The following COX7B2 variants were observed in gnomAD, a reference collection of about 807,000 sequenced individuals.
COX7B2 encodes cytochrome c oxidase subunit 7B2, mitochondrial.
For synonymous variants in COX7B2, 37 were observed against 32.1 expected, an observed-to-expected ratio of 1.15 and a Z score of -0.51; for missense variants, 109 against 95.9, an observed-to-expected ratio of 1.14 and a Z score of -0.57.
chr4:46,741,613 A>C (rs925857572), intron 2 of COX7B2, among the ~76,000 whole-genome samples: 1 of 152,054 alleles, frequency 6.6e-6, no homozygotes, highest in Admixed American at 6.6e-5. Flanking sequence ...GGATGCAAAA[A>C]TGTTGCCCAT....
intron 2 of COX7B2, among the ~76,000 whole-genome samples, chr4:46,782,530 TA>T (rs199799069): frequency 0.01 from 1,572 of 151,684 alleles, 23 homozygotes; most frequent in African/African-American, 0.036. Context: ...GGGGGTCCCA[TA>T]AGAGAATAAA....
At chr4:46,828,871 A>G (rs951456846) in intron 2 of COX7B2, among the ~76,000 whole-genome samples, 3 of 152,170 alleles carry the variant, frequency 2.0e-5, no homozygotes, top group Non-Finnish European at 2.9e-5. Flanking sequence ...GCAGAAAAAT[A>G]TAAGAGAGCC....
intron 2 of COX7B2, among the ~76,000 whole-genome samples, chr4:46,820,231 G>C (rs984397818): frequency 7.2e-5 from 11 of 152,096 alleles, no homozygotes; most frequent in Admixed American, 2.6e-4. Flanking sequence ...ATCGGAAACA[G>C]TGACCTATTA....
At chr4:46,839,846 G>A (rs1157038854) in intron 2 of COX7B2, among the ~76,000 whole-genome samples, 2 of 151,968 alleles carry the variant, frequency 1.3e-5, no homozygotes, top group East Asian at 3.9e-4. Context: ...ACATGGTAAT[G>A]GTGGGTCTTA....
chr4:46,902,769 C>T lies in COX7B2; in HGVS notation c.-105+6391G>A, dbSNP rs539886660. Among the ~76,000 whole-genome samples the T allele has an allele frequency of 4.3e-3, 651 of 152,174 alleles. 13 individuals carry two copies. Among genetic ancestry groups the T allele is most frequent in the Non-Finnish European group, 9.3e-4 (63 of 68,002 alleles). On this transcript the variant is annotated intron_variant, in intron 1 of 2. Transcript: ENST00000355591. ...GCACACACCTGTAATCCCAGCTACT[C>T]GGGAGGCTGAGGCACAAGAATCACT...
chr4:46,771,333 G>A (rs1271895337), intron 2 of COX7B2, among the ~76,000 whole-genome samples: 4 of 152,136 alleles, frequency 2.6e-5, no homozygotes, highest in Admixed American at 1.3e-4. Context: ...TGAGAGTGTG[G>A]AGAGAAGGGG....
At chr4:46,877,034 G>A (rs1175696349) in intron 1 of COX7B2, among the ~76,000 whole-genome samples, 1 of 151,888 alleles carries the variant, frequency 6.6e-6, no homozygotes, top group East Asian at 1.9e-4. Context: ...ACCATTAGCA[G>A]TAAGAATCGA....
At chr4:46,907,847 A>ATTTTTTTTTTTTTTTTT (rs1308450950) in intron 1 of COX7B2, among the ~76,000 whole-genome samples, 18 of 67,222 alleles carry the variant, frequency 2.7e-4, no homozygotes, top group Non-Finnish European at 4.8e-4. Flanking sequence ...ATTTGAGCAG[A>ATTTTTTTTTTTTTTTTT]CTTTTTTTTT....
At chr4:46,823,806 A>C (rs1714482377) in intron 2 of COX7B2, among the ~76,000 whole-genome samples, 1 of 151,864 alleles carries the variant, frequency 6.6e-6, no homozygotes, top group South Asian at 2.1e-4. Context: ...AAAATCAAAG[A>C]AGCAAACAAA....
chr4:46,802,743 TA>T (rs1718725128), intron 2 of COX7B2, among the ~76,000 whole-genome samples: 3 of 152,182 alleles, frequency 2.0e-5, no homozygotes, highest in Non-Finnish European at 4.4e-5. Context: ...ATGCATTGGT[TA>T]TTTTGTAAGA....
At chr4:46,768,836 C>G (rs2109506947) in intron 2 of COX7B2, among the ~76,000 whole-genome samples, 1 of 152,080 alleles carries the variant, frequency 6.6e-6, no homozygotes, top group East Asian at 1.9e-4. Flanking sequence ...TAGCTATACC[C>G]ACTAAAAAGA....
intron 2 of COX7B2, among the ~76,000 whole-genome samples, chr4:46,799,292 T>C (rs145908828): frequency 1.3e-3 from 196 of 152,256 alleles, no homozygotes; most frequent in African/African-American, 4.5e-3. Context: ...AATGATAAAA[T>C]CATATCATCT....
intron 2 of COX7B2, among the ~76,000 whole-genome samples, chr4:46,799,976 C>A (rs1225010142): frequency 6.6e-6 from 1 of 152,038 alleles, no homozygotes; most frequent in Non-Finnish European, 1.5e-5. Flanking sequence ...CTGTCAGGTT[C>A]AGGGCTTTTT....
intron 2 of COX7B2, among the ~76,000 whole-genome samples, chr4:46,837,933 A>G (rs1560412384): frequency 1.3e-5 from 2 of 152,022 alleles, no homozygotes; most frequent in African/African-American, 4.8e-5. Flanking sequence ...TCTAAAAACT[A>G]AGGTCGAAAT....
intron 2 of COX7B2, among the ~76,000 whole-genome samples, chr4:46,771,548 A>T (rs1162245324): frequency 2.0e-5 from 3 of 148,420 alleles, no homozygotes; most frequent in Admixed American, 6.7e-5. Flanking sequence ...CAGATTTCAG[A>T]TTTTTTTTTT....
intron 1 of COX7B2, among the ~76,000 whole-genome samples, chr4:46,855,751 G>A (rs762171954): frequency 3.9e-5 from 6 of 151,982 alleles, no homozygotes; most frequent in Admixed American, 6.6e-5. Context: ...GTAGCATGTG[G>A]GTTTCAGATC....
At chr4:46,860,738 T>G (rs1232732645) in intron 1 of COX7B2, among the ~76,000 whole-genome samples, 2 of 152,210 alleles carry the variant, frequency 1.3e-5, no homozygotes, top group African/African-American at 2.4e-5. Flanking sequence ...TTTTCCTCCC[T>G]GCAATGTACG....
At chr4:46,907,848 C>CTTTTTTTTTTTTT (rs35024713) in intron 1 of COX7B2, among the ~76,000 whole-genome samples, 6 of 59,730 alleles carry the variant, frequency 1.0e-4, no homozygotes, top group Admixed American at 2.4e-4. Context: ...TTTGAGCAGA[C>CTTTTTTTTTTTTT]TTTTTTTTTT....
chr4:46,743,999 A>G (rs1409405864), intron 2 of COX7B2, among the ~76,000 whole-genome samples: 1 of 152,194 alleles, frequency 6.6e-6, no homozygotes, highest in Non-Finnish European at 1.5e-5. Context: ...AACACTCATA[A>G]GAGCAATGAA....
Sources: allele counts gnomAD v4.1 joint callset (sites outside exome capture counted in the v4.1 genomes callset), GRCh38; gene constraint gnomAD v4.1.1; transcripts MANE v1.5; gene names NCBI Gene and HGNC (gene_info 2026-07-23, HGNC 2026-07-21).